Variants in SEH1L observed in about 807,000 individuals in gnomAD.
SEH1L encodes nucleoporin SEH1.
SEH1L carries 18 observed loss-of-function variants against 49.5 expected under a neutral mutation model. The observed-to-expected ratio is 0.36, with a 90% CI of 0.25 to 0.54. SEH1L has a LOEUF of 0.54. Ranked by LOEUF, SEH1L falls within the 20% of genes least tolerant of loss-of-function variation. The pLI is 0.87. For missense variants in SEH1L, 404 were observed against 528.8 expected (o/e 0.76, Z 2.31); for synonymous variants, 169 against 178.1 (o/e 0.95, Z 0.41).
chr18:12,948,448 C>T, intron 1 of SEH1L: 1 of 427,152 alleles, frequency 2.3e-6, no homozygotes, highest in South Asian at 3.9e-5. Flanking sequence ...GCCTGCGCAG[C>T]TGGTGCCACG....
Position 12,985,414 on chromosome 18 carries a change from T to C in SEH1L, c.1070+1224T>C. On this transcript the variant is annotated intron_variant, in intron 8 of 8. Transcript: ENST00000399892. ...ACGCAATCCAAAAGGCCTTTAAAAA[T>C]ACAGTGTATATTTTTTGTACTAGTC... The C allele has an allele frequency of 5.9e-6, 8 of 1,352,570 alleles. No individual in the cohort carries two copies. In the South Asian group the frequency reaches 1.6e-4, roughly 27 times the overall value. The allele number at this position is 1,352,570 out of a possible 1,614,324, so 83.8% of individuals were successfully genotyped here.
chr18:12,959,346 A>T (rs1056899574), intron 3 of SEH1L, among the ~76,000 whole-genome samples: 1 of 152,214 alleles, frequency 6.6e-6, no homozygotes, highest in African/African-American at 2.4e-5. Context: ...TATACTTACC[A>T]GTTAAGCATT....
At chr18:12,977,377 AAATAG>A (rs1474022729) in intron 5 of SEH1L, 1 of 152,226 alleles carries the variant, frequency 6.6e-6, no homozygotes, top group African/African-American at 2.4e-5. Flanking sequence ...ATAGATAAAG[AAATAG>A]AATTGCAAGG....
intron 2 of SEH1L, among the ~76,000 whole-genome samples, chr18:12,954,440 A>C (rs2030732353): frequency 6.6e-6 from 1 of 152,106 alleles, no homozygotes; most frequent in Admixed American, 6.5e-5. Flanking sequence ...TATGGCTATA[A>C]TCTCTATATA....
At chr18:12,951,083 T>G (rs1049528119) in intron 1 of SEH1L, among the ~76,000 whole-genome samples, 1 of 152,216 alleles carries the variant, frequency 6.6e-6, no homozygotes, top group Admixed American at 6.5e-5. Context: ...AATTTACTTG[T>G]ACCCCAAAAG....
chr18:12,971,296 A>G (rs1489925017), intron 5 of SEH1L, 45 bp downstream of exon 5: 1 of 1,198,782 alleles, frequency 8.3e-7, no homozygotes, highest in Non-Finnish European at 1.2e-6. Context: ...ATTGCATTTA[A>G]TTTTTTAAAA....
At chr18:12,978,329 C>G (rs2032009924) in intron 5 of SEH1L, 1 of 155,474 alleles carries the variant, frequency 6.4e-6, no homozygotes, top group Non-Finnish European at 1.4e-5. Flanking sequence ...GCTGTGCTTC[C>G]TCTAGAATCC....
chr18:12,982,388 T>C, intron 6 of SEH1L, 130 bp from the exon 7 acceptor site: 2 of 617,970 alleles, frequency 3.2e-6, no homozygotes, highest in Non-Finnish European at 5.4e-6. Flanking sequence ...CACATTATTA[T>C]AAAGTGATGT....
chr18:12,963,437 A>G (rs2145626692), intron 4 of SEH1L, 66 bp downstream of exon 4: 1 of 1,230,638 alleles, frequency 8.1e-7, no homozygotes, highest in East Asian at 2.3e-5. Context: ...TTAAGCTAAC[A>G]ATTTGATAAT....
Position 12,965,848 on chromosome 18 carries a change from GTTT to G in SEH1L, c.521+2481_521+2483del, listed in dbSNP as rs139734049. 9.5e-4 allele frequency among the ~76,000 whole-genome samples: 145 copies of G among 152,218 alleles called. 2 individuals carry two copies. In the East Asian group the frequency reaches 0.023, roughly 24 times the overall value. ...GTGCTTTTTGTGTTTTATTTGAGCA[GTTT>G]TTTCCACCTTGGGGTTGTCTAGTGT... is the stretch of plus-strand genomic sequence containing the variant. On this transcript the variant is annotated intron_variant, in intron 4 of 8. Transcript: ENST00000399892.
At chr18:12,975,271 C>T (rs918238624) in intron 5 of SEH1L, among the ~76,000 whole-genome samples, 10 of 151,838 alleles carry the variant, frequency 6.6e-5, no homozygotes, top group Admixed American at 4.6e-4. Flanking sequence ...GGATTACAGG[C>T]GTGAGCCACC....
intron 5 of SEH1L, among the ~76,000 whole-genome samples, 161 bp downstream of exon 5, chr18:12,971,412 A>C (rs915127219): frequency 1.3e-5 from 2 of 152,272 alleles, no homozygotes; most frequent in Admixed American, 1.3e-4. Flanking sequence ...CACAGGCATG[A>C]GTGATAAAGA....
chr18:12,955,269 G>A (rs995562059), intron 2 of SEH1L, among the ~76,000 whole-genome samples, 194 bp from the exon 3 acceptor site: 13 of 150,534 alleles, frequency 8.6e-5, no homozygotes, highest in African/African-American at 3.2e-4. Flanking sequence ...GTCTTCTAAA[G>A]GTTAAAACAT....
At chr18:12,972,753 A>G (rs1030389794) in intron 5 of SEH1L, 10 of 152,204 alleles carry the variant, frequency 6.6e-5, no homozygotes, top group African/African-American at 2.4e-4. Context: ...GTGATGGGAA[A>G]TGGTCTTAGA....
At chr18:12,984,223 C>T (rs1318334451) in intron 8 of SEH1L, 33 bp downstream of exon 8, 1 of 1,603,496 alleles carries the variant, frequency 6.2e-7, no homozygotes, top group East Asian at 2.2e-5. Context: ...TGGAAATCAT[C>T]TTTGTTTTAA....
At chr18:12,972,877 G>GAAT (rs1409769342) in intron 5 of SEH1L, 1 of 145,498 alleles carries the variant, frequency 6.9e-6, no homozygotes, top group Non-Finnish European at 1.5e-5. Flanking sequence ...GAGCTGAGCA[G>GAAT]AATGAATATG....
intron 1 of SEH1L, among the ~76,000 whole-genome samples, chr18:12,950,977 A>G (rs1226045324): frequency 6.6e-6 from 1 of 152,160 alleles, no homozygotes; most frequent in Non-Finnish European, 1.5e-5. Context: ...GTGCACCACC[A>G]TGCCTGGTTT....
At chr18:12,981,455 A>C (rs2032255492) in intron 6 of SEH1L, among the ~76,000 whole-genome samples, 1 of 152,224 alleles carries the variant, frequency 6.6e-6, no homozygotes, top group African/African-American at 2.4e-5. Context: ...CCATCCCGGC[A>C]CCTCGGGAGG....
chr18:12,952,393 C>G (rs118101711), intron 2 of SEH1L, among the ~76,000 whole-genome samples: 1 of 151,948 alleles, frequency 6.6e-6, no homozygotes, highest in African/African-American at 2.4e-5. Flanking sequence ...CCACGATGCC[C>G]GGCTAATTTT....
Sources: allele counts gnomAD v4.1 joint callset (sites outside exome capture counted in the v4.1 genomes callset), GRCh38; gene constraint gnomAD v4.1.1; transcripts MANE v1.5; gene names NCBI Gene and HGNC (gene_info 2026-07-23, HGNC 2026-07-21).